P4HA1: variants seen among roughly 807,000 people sequenced by gnomAD.
P4HA1 encodes the protein prolyl 4-hydroxylase subunit alpha 1, also known as prolyl 4-hydroxylase subunit alpha-1.
Under a neutral mutation model 72.8 loss-of-function variants are expected in P4HA1, and 24 were observed. The observed-to-expected ratio is 0.33, with a 90% CI of 0.24 to 0.46. P4HA1 has a LOEUF of 0.46. Among genes scored for constraint, P4HA1 ranks in the 20% least tolerant of loss-of-function variants. P4HA1 has a pLI of 1.00. For missense variants in P4HA1, 446 were observed against 640.6 expected, an observed-to-expected ratio of 0.70 and a Z score of 3.28; for synonymous variants, 201 against 218.8, an observed-to-expected ratio of 0.92 and a Z score of 0.72.
At chr10:73,055,222 T>C (rs919866898) in intron 5 of P4HA1, among the ~76,000 whole-genome samples, 11 of 152,180 alleles carry the variant, frequency 7.2e-5, no homozygotes, top group African/African-American at 2.7e-4. Flanking sequence ...AGTTCTTTAT[T>C]GAGACAGAGT....
intron 10 of P4HA1, among the ~76,000 whole-genome samples, chr10:73,019,887 A>C (rs965684764): frequency 6.6e-6 from 1 of 152,076 alleles, no homozygotes; most frequent in Non-Finnish European, 1.5e-5. Context: ...ATGAAAAAGG[A>C]TAAAGAGAGC....
chr10:73,083,189 C>A (rs1841859412), intron 1 of P4HA1, among the ~76,000 whole-genome samples: 1 of 152,156 alleles, frequency 6.6e-6, no homozygotes, highest in Admixed American at 6.6e-5. Flanking sequence ...AATCCCTCTG[C>A]AAATTGCCAT....
At chr10:73,031,613 A>T (rs1166826708) in intron 9 of P4HA1, among the ~76,000 whole-genome samples, 1 of 150,912 alleles carries the variant, frequency 6.6e-6, no homozygotes, top group Non-Finnish European at 1.5e-5. Context: ...AATAGAAAAT[A>T]GATTAGTGGT....
At chr10:73,043,741 TC>T (rs1439674212) in intron 9 of P4HA1, 10 of 685,162 alleles carry the variant, frequency 1.5e-5, no homozygotes, top group Non-Finnish European at 2.6e-5. Flanking sequence ...TATTAGTCCG[TC>T]ATGAAAACTC....
rs1841011498 is a variant in P4HA1 at position 73,051,173 on chromosome 10, CTTA to C, written c.777_779del (p.Asn259del). 1 of 1,610,458 alleles carries C rather than the reference CTTA, an allele frequency of 6.2e-7. No homozygotes were observed. Among genetic ancestry groups the C allele is most frequent in the Admixed American group, 1.7e-5 (1 of 59,972 alleles). Reference sequence around the variant, plus strand: ...GATCAGATTGGTCATCTGAAGCAGACTTATTGACATCTTTTTCTTTAGCCATTA... The same window carrying C: ...GATCAGATTGGTCATCTGAAGCAGACTTGACATCTTTTTCTTTAGCCATTA... On this transcript the variant is annotated inframe_deletion, in exon 7 of 15. Coordinates refer to ENST00000394890, the MANE Select transcript of P4HA1 (RefSeq NM_001017962.3).
At chr10:73,087,268 ATTTT>A (rs370759559) in intron 1 of P4HA1, among the ~76,000 whole-genome samples, 104 of 130,778 alleles carry the variant, frequency 8.0e-4, no homozygotes, top group African/African-American at 2.2e-3. Context: ...TAATGCCTTT[ATTTT>A]TTTTTTTTTT....
intron 1 of P4HA1, among the ~76,000 whole-genome samples, chr10:73,093,853 A>AAAAAAAAATAAAAAAAT (rs1842089424): frequency 1.8e-5 from 1 of 56,098 alleles, no homozygotes; most frequent in African/African-American, 9.2e-5. Flanking sequence ...AAAAAAAAAA[A>AAAAAAAAATAAAAAAAT]AAAAAAAAAA....
chr10:73,030,981 G>A (rs1167825512), intron 9 of P4HA1, among the ~76,000 whole-genome samples: 1 of 152,116 alleles, frequency 6.6e-6, no homozygotes, highest in East Asian at 1.9e-4. Flanking sequence ...GCTAAACACA[G>A]TTATCAAATG....
intron 12 of P4HA1, 68 bp downstream of exon 12, chr10:73,014,156 C>G: frequency 9.3e-7 from 1 of 1,076,734 alleles, no homozygotes; most frequent in Non-Finnish European, 1.4e-6. Flanking sequence ...ACAGAACAAA[C>G]TTAAAACATT....
intron 1 of P4HA1, among the ~76,000 whole-genome samples, chr10:73,091,478 TTTC>T (rs1469057125): frequency 6.6e-6 from 1 of 152,152 alleles, no homozygotes; most frequent in Non-Finnish European, 1.5e-5. Context: ...AAAATAAACA[TTTC>T]TTGATCATAT....
chr10:73,034,681 G>A lies in P4HA1; in HGVS notation c.1149-4311C>T, dbSNP rs567641689. Among the ~76,000 whole-genome samples the A allele has an allele frequency of 2.5e-4, 37 of 148,746 alleles. No homozygotes were observed. The South Asian group carries it at 4.1e-3, about 17-fold the overall frequency. The stretch of plus-strand genomic sequence containing the variant: ...TGGCTCACTGCAGCCTCAACCTTCC[G>A]GGCTCAGGTGACTCTTCCACCTCAG... On this transcript the variant is annotated intron_variant, in intron 9 of 14. Transcript: ENST00000394890.
intron 10 of P4HA1, among the ~76,000 whole-genome samples, chr10:73,024,122 T>A (rs1840204952): frequency 6.6e-6 from 1 of 152,202 alleles, no homozygotes; most frequent in South Asian, 2.1e-4. Flanking sequence ...AACTCAGCTC[T>A]GCACTAAGCA....
chr10:73,014,291 T>C lies in P4HA1; in HGVS notation c.1303-2A>G. 6.2e-7 allele frequency: 1 copy of C among 1,609,226 alleles called. No individual in the cohort carries two copies. The highest frequency in any genetic ancestry group is 8.5e-7 in the Non-Finnish European group (1 of 1,175,728). Reference sequence around the variant, plus strand: ...TTTGAAAGCATCTGGCTCATCTTTCTGTGAATAAAAACACAGTAAATTCAA... The same window carrying C: ...TTTGAAAGCATCTGGCTCATCTTTCCGTGAATAAAAACACAGTAAATTCAA... On this transcript the variant is annotated splice_acceptor_variant, in intron 11 of 14. Coordinates refer to ENST00000394890, the MANE Select transcript of P4HA1 (RefSeq NM_001017962.3). LOFTEE classifies it high-confidence loss of function.
At chr10:73,080,662 C>G (rs545186184) in intron 1 of P4HA1, among the ~76,000 whole-genome samples, 3 of 152,114 alleles carry the variant, frequency 2.0e-5, no homozygotes, top group Non-Finnish European at 4.4e-5. Flanking sequence ...GTGGCTCACA[C>G]CTGTAATCCC....
At chr10:73,016,131 T>G (rs1840003275) in intron 11 of P4HA1, among the ~76,000 whole-genome samples, 1 of 152,168 alleles carries the variant, frequency 6.6e-6, no homozygotes. Flanking sequence ...TTAGCCAGAA[T>G]TCCCCGTCCT....
intron 11 of P4HA1, among the ~76,000 whole-genome samples, chr10:73,016,629 T>C (rs758523689): frequency 1.2e-4 from 18 of 152,220 alleles, no homozygotes; most frequent in Middle Eastern, 3.4e-3. Context: ...ATACAAAAAT[T>C]AGCTGGGCAT....
chr10:73,050,765 G>T (rs1841000921), intron 7 of P4HA1, among the ~76,000 whole-genome samples: 1 of 151,944 alleles, frequency 6.6e-6, no homozygotes, highest in Non-Finnish European at 1.5e-5. Flanking sequence ...GAGTGCAGTG[G>T]TGTAATCATA....
chr10:73,011,564 G>C (rs1839909663), intron 12 of P4HA1, among the ~76,000 whole-genome samples: 4 of 152,082 alleles, frequency 2.6e-5, no homozygotes, highest in Admixed American at 6.5e-5. Context: ...TTAAATAAAA[G>C]TGAGAAAGTT....
chr10:73,049,697 T>C lies in P4HA1; in HGVS notation c.900+1356A>G, dbSNP rs997943068. 7.9e-5 allele frequency among the ~76,000 whole-genome samples: 12 copies of C among 152,332 alleles called. 1 individual carries two copies. The South Asian group carries it at 2.5e-3, about 32-fold the overall frequency. On this transcript the variant is annotated intron_variant, in intron 7 of 14. Transcript: ENST00000394890. ...TTTATAGATATATTTTAAAGAAATA[T>C]TAAAGACAAAATCTGTTGAAAACTT...
Sources: allele counts gnomAD v4.1 joint callset (sites outside exome capture counted in the v4.1 genomes callset), GRCh38; gene constraint gnomAD v4.1.1; transcripts MANE v1.5; gene names NCBI Gene and HGNC (gene_info 2026-07-23, HGNC 2026-07-21).